The following GRAP2 variants were observed in gnomAD, a reference collection of about 807,000 sequenced individuals.
GRAP2 encodes the protein GRB2-related adapter protein 2.
GRAP2 carries 31 observed loss-of-function variants against 43.5 expected under a neutral mutation model. That is an observed-to-expected ratio of 0.71 (90% CI 0.54 to 0.96). The LOEUF is 0.96. Among genes scored for constraint, GRAP2 ranks in the 40% least tolerant of loss-of-function variants. GRAP2 has a pLI of 0.00. For missense variants in GRAP2, 371 were observed against 424.4 expected (o/e 0.87, Z 1.11); for synonymous variants, 156 against 164.8 (o/e 0.95, Z 0.41).
At chr22:39,941,439 A>C (rs896430205) in intron 1 of GRAP2, among the ~76,000 whole-genome samples, 5 of 152,156 alleles carry the variant, frequency 3.3e-5, no homozygotes, top group Non-Finnish European at 7.4e-5. Context: ...TTTTCCCCTT[A>C]AGAAGTTTAT....
chr22:39,937,262 C>G (rs2066816053), intron 1 of GRAP2, among the ~76,000 whole-genome samples: 1 of 152,178 alleles, frequency 6.6e-6, no homozygotes, highest in African/African-American at 2.4e-5. Flanking sequence ...TGTGTGTCCC[C>G]TCAAAGGTAG....
rs1278574705 is a variant in GRAP2, at chr22:39,970,937, T to G, written c.846T>G (p.Phe282Leu). The G allele has an allele frequency of 6.2e-7, 1 of 1,612,780 alleles. No individual in the cohort carries two copies. The change falls in exon 8 of 8, where the codon TTT becomes TTG. Residue 282 changes from phenylalanine (F) to leucine (L), a missense_variant. Physicochemically the swap from Phe to Leu is conservative, Grantham distance 22 (BLOSUM62 0). Coordinates refer to ENST00000344138, the MANE Select transcript of GRAP2 (RefSeq NM_004810.4). ...GGTGGGCCCGGGCGCTGTATGACTTTGAGGCCCTGGAGGATGACGAGCTGG... is the reference window on the plus strand; with the variant it reads ...GGTGGGCCCGGGCGCTGTATGACTTGGAGGCCCTGGAGGATGACGAGCTGG... ...RVRWARALYD[F>L]EALEDDELGF...
upstream of GRAP2, among the ~76,000 whole-genome samples, chr22:39,897,525 T>TC (rs948196611): frequency 6.7e-6 from 1 of 149,948 alleles, no homozygotes; most frequent in Non-Finnish European, 1.5e-5. Flanking sequence ...CTTTTTTTTT[T>TC]TTTTTTTTTT....
chr22:39,947,554 G>C (rs2066937048), intron 2 of GRAP2: 2 of 216,400 alleles, frequency 9.2e-6, no homozygotes, highest in Admixed American at 1.0e-4. Context: ...TGCACTGAAG[G>C]TGACTTGGGC....
chr22:39,915,052 G>T (rs925541422), intron 1 of GRAP2, among the ~76,000 whole-genome samples: 2 of 151,768 alleles, frequency 1.3e-5, no homozygotes, highest in South Asian at 4.2e-4. Flanking sequence ...AGCTGGATGT[G>T]GTGGTGGGTG....
intron 1 of GRAP2, among the ~76,000 whole-genome samples, chr22:39,913,193 A>G (rs2066579636): frequency 8.2e-6 from 1 of 121,538 alleles, no homozygotes; most frequent in Non-Finnish European, 1.9e-5. Flanking sequence ...ACTCCATCTC[A>G]AAAAAAAAAA....
rs181501975 is a variant in GRAP2 at position 39,925,462 on chromosome 22, G to A, written c.-14-21631G>A. On this transcript the variant is annotated intron_variant, in intron 1 of 7. Transcript: ENST00000344138. ...GTTTGGACTTGGAGTGGGCCCAAGT[G>A]CAGCCTGTACACAAACCTCAAAGAA... 1.5e-3 allele frequency among the ~76,000 whole-genome samples: 234 copies of A among 152,244 alleles called. 1 individual carries two copies. Among genetic ancestry groups the A allele is most frequent in the Admixed American group, 4.8e-3 (73 of 15,302 alleles).
rs372893664 is a variant in GRAP2 at position 39,970,179 on chromosome 22, A to G, written c.813+646A>G. Among the ~76,000 whole-genome samples the G allele has an allele frequency of 1.8e-4, 27 of 152,290 alleles. No individual in the cohort carries two copies. In the East Asian group the frequency reaches 3.1e-3, roughly 17 times the overall value. ...CTCCCAGGCTCAAGTGCAGTGGCAC[A>G]ATCATGGCTCACTGCAGATTCAAAC... On this transcript the variant is annotated intron_variant, in intron 7 of 7. Coordinates refer to ENST00000344138, the MANE Select transcript of GRAP2 (RefSeq NM_004810.4).
At chr22:39,960,373 G>GGT (rs1215095300) in intron 4 of GRAP2, 199 bp downstream of exon 4, 3 of 549,414 alleles carry the variant, frequency 5.5e-6, no homozygotes, top group Non-Finnish European at 6.5e-6. Context: ...TTAGAACACT[G>GGT]GTGTGTGTTT....
At chr22:39,964,177 G>T in intron 4 of GRAP2, 1 of 527,308 alleles carries the variant, frequency 1.9e-6, no homozygotes, top group Non-Finnish European at 3.3e-6. Context: ...ATCCAAAAGA[G>T]AATGACTTGG....
chr22:39,926,583 G>A, intron 1 of GRAP2: 6 of 984,828 alleles, frequency 6.1e-6, no homozygotes, highest in Non-Finnish European at 7.2e-6. Flanking sequence ...CTCTAGCTGG[G>A]GGTGGGGAAA....
At chr22:39,952,449 A>G (rs1023754852) in intron 2 of GRAP2, among the ~76,000 whole-genome samples, 7 of 152,138 alleles carry the variant, frequency 4.6e-5, no homozygotes, top group Non-Finnish European at 1.0e-4. Flanking sequence ...AGGAATTCCA[A>G]TGCCATGAAT....
chr22:39,945,094 A>G (rs1004802871), intron 1 of GRAP2, among the ~76,000 whole-genome samples: 1 of 152,256 alleles, frequency 6.6e-6, no homozygotes, highest in Non-Finnish European at 1.5e-5. Flanking sequence ...GGCATTTAGC[A>G]TTAACTTAGG....
chr22:39,908,273 G>A (rs547127608), intron 1 of GRAP2, among the ~76,000 whole-genome samples: 14 of 152,324 alleles, frequency 9.2e-5, no homozygotes, highest in Admixed American at 6.5e-4. Flanking sequence ...GGATTCCCTT[G>A]CAATGTCCAA....
intron 3 of GRAP2, among the ~76,000 whole-genome samples, chr22:39,956,542 G>T (rs1444715550): frequency 6.6e-6 from 1 of 151,104 alleles, no homozygotes; most frequent in South Asian, 2.1e-4. Context: ...GCCCAGGCTG[G>T]AGTGCAGTGG....
At chr22:39,954,796 G>C (rs1712663662) in intron 2 of GRAP2, among the ~76,000 whole-genome samples, 1 of 152,212 alleles carries the variant, frequency 6.6e-6, no homozygotes, top group South Asian at 2.1e-4. Flanking sequence ...GTCAAGTCTG[G>C]TGAGTAATAT....
intron 1 of GRAP2, among the ~76,000 whole-genome samples, chr22:39,925,061 A>T (rs977828970): frequency 4.6e-5 from 7 of 152,274 alleles, no homozygotes; most frequent in African/African-American, 1.7e-4. Flanking sequence ...TACGGCAGGC[A>T]GGGTGGGGAT....
chr22:39,964,360 G>C, intron 4 of GRAP2: 1 of 716,648 alleles, frequency 1.4e-6, no homozygotes, highest in Non-Finnish European at 2.5e-6. Context: ...GTCTGGGGAA[G>C]GGGCGGCAGG....
At chr22:39,944,384 G>C (rs539175028) in intron 1 of GRAP2, among the ~76,000 whole-genome samples, 4 of 152,132 alleles carry the variant, frequency 2.6e-5, no homozygotes, top group Non-Finnish European at 4.4e-5. Flanking sequence ...GGTGCTTCAA[G>C]GGAAGAGTTT....
Sources: gnomAD v4.1 joint callset for allele counts (sites outside exome capture counted in the v4.1 genomes callset) on GRCh38, gnomAD v4.1.1 for gene constraint, MANE v1.5 for transcripts, NCBI Gene and HGNC (gene_info 2026-07-23, HGNC 2026-07-21) for gene names.